The following MGAT5B variants were observed in gnomAD, a reference collection of about 807,000 sequenced individuals.
MGAT5B encodes alpha-1,6-mannosylglycoprotein 6-beta-N-acetylglucosaminyltransferase B, also known as N-acetylglucosaminyl-transferase Vb.
MGAT5B carries 54 observed loss-of-function variants against 95.1 expected under a neutral mutation model. The observed-to-expected ratio is 0.57, with a 90% CI of 0.46 to 0.71. The LOEUF is 0.71. Ranked by LOEUF, MGAT5B falls within the 30% of genes least tolerant of loss-of-function variation. The probability of loss-of-function intolerance (pLI) is 0.00; values close to 1 mark genes in which losing one functional copy is unlikely to be tolerated. For missense variants in MGAT5B, 935 were observed against 1,088.6 expected (o/e 0.86, Z 1.99); for synonymous variants, 464 against 451.0 (o/e 1.03, Z -0.36).
chr17:76,903,509 C>G (rs1968398830), intron 5 of MGAT5B, 133 bp downstream of exon 5: 1 of 552,864 alleles, frequency 1.8e-6, no homozygotes, highest in Non-Finnish European at 3.1e-6. Flanking sequence ...GCATCCACCC[C>G]ACCCATCAAT....
intron 10 of MGAT5B, among the ~76,000 whole-genome samples, chr17:76,929,670 G>A (rs1216002916): frequency 6.6e-6 from 1 of 152,144 alleles, no homozygotes; most frequent in Non-Finnish European, 1.5e-5. Context: ...GAAGAGGGAG[G>A]CTGGCCAGTT....
chr17:76,879,772 A>G (rs2145128778), intron 2 of MGAT5B, among the ~76,000 whole-genome samples: 1 of 152,312 alleles, frequency 6.6e-6, no homozygotes, highest in South Asian at 2.1e-4. Context: ...CTCTGAAACG[A>G]GAGTGATCTG....
At chr17:76,926,084 A>C (rs1192248991) in intron 9 of MGAT5B, among the ~76,000 whole-genome samples, 1 of 152,136 alleles carries the variant, frequency 6.6e-6, no homozygotes, top group Non-Finnish European at 1.5e-5. Flanking sequence ...CTTGCAGAGG[A>C]GGCTCAGAAG....
chr17:76,921,588 C>T (rs1598967271), intron 8 of MGAT5B, among the ~76,000 whole-genome samples: 1 of 152,104 alleles, frequency 6.6e-6, no homozygotes, highest in Non-Finnish European at 1.5e-5. Flanking sequence ...TTCCCTGCTC[C>T]CTCCATGCAC....
At chr17:76,920,897 C>T (rs79090049) in intron 8 of MGAT5B, among the ~76,000 whole-genome samples, 10,290 of 152,262 alleles carry the variant, frequency 0.068, 469 homozygotes, top group East Asian at 0.21. Context: ...TTCTCATCTA[C>T]CACTTTGTGT....
intron 2 of MGAT5B, among the ~76,000 whole-genome samples, chr17:76,878,117 G>A (rs533761961): frequency 9.9e-5 from 15 of 152,268 alleles, no homozygotes; most frequent in African/African-American, 3.4e-4. Context: ...TGACAGTCCC[G>A]GGGCCAGTGG....
chr17:76,913,761 A>C, intron 8 of MGAT5B: 1 of 485,152 alleles, frequency 2.1e-6, no homozygotes, highest in Non-Finnish European at 4.1e-6. Context: ...GTGGCCAGCA[A>C]CACATTGCTC....
At chr17:76,888,852 T>G (rs1967762266) in intron 3 of MGAT5B, among the ~76,000 whole-genome samples, 1 of 152,070 alleles carries the variant, frequency 6.6e-6, no homozygotes, top group Admixed American at 6.5e-5. Flanking sequence ...CTTCCAGAGT[T>G]CCCCGCTGGC....
intron 8 of MGAT5B, among the ~76,000 whole-genome samples, chr17:76,919,707 A>G (rs573551229): frequency 1.6e-4 from 25 of 152,344 alleles, no homozygotes; most frequent in African/African-American, 6.0e-4. Context: ...CTGGGATTAT[A>G]GGCGTGAGCC....
intron 16 of MGAT5B, 36 bp downstream of exon 16, chr17:76,946,486 T>G: frequency 6.5e-7 from 1 of 1,536,902 alleles, no homozygotes; most frequent in African/African-American, 1.4e-5. Context: ...CCAGATCCTG[T>G]CAGACCAGAG....
At chr17:76,904,834 G>A (rs1968461556) in intron 6 of MGAT5B, among the ~76,000 whole-genome samples, 1 of 152,242 alleles carries the variant, frequency 6.6e-6, no homozygotes, top group Non-Finnish European at 1.5e-5. Context: ...CATAGTTGCT[G>A]TGGTGGCCAC....
chr17:76,878,338 G>A (rs1296709115), intron 2 of MGAT5B, among the ~76,000 whole-genome samples: 2 of 152,166 alleles, frequency 1.3e-5, no homozygotes, highest in African/African-American at 4.8e-5. Flanking sequence ...AGCAGCTCCT[G>A]AGCCCCTGGC....
rs1283875293 is a variant in MGAT5B at position 76,916,119 on chromosome 17, G to A, written c.1026-8847G>A. ...GGCCCCTGCCCTTCATCCTTCCTCG[G>A]GATCCAGGAGAGACCCTTCCTTGCA... On this transcript the variant is annotated intron_variant, in intron 8 of 17. Coordinates refer to ENST00000569840, the MANE Select transcript of MGAT5B (RefSeq NM_001199172.2). This position sits in a 1 kb window ranked among gnomAD's most constrained non-coding sequence, Gnocchi z 5.3. 2.0e-5 allele frequency among the ~76,000 whole-genome samples: 3 copies of A among 150,486 alleles called. No homozygotes were observed. Among genetic ancestry groups the A allele is most frequent in the African/African-American group, 7.5e-5 (3 of 39,992 alleles).
chr17:76,926,096 G>A (rs1284077034), intron 9 of MGAT5B, among the ~76,000 whole-genome samples: 3 of 152,150 alleles, frequency 2.0e-5, no homozygotes, highest in South Asian at 2.1e-4. Context: ...GCTCAGAAGC[G>A]CTGCCCTCCC....
intron 5 of MGAT5B, among the ~76,000 whole-genome samples, chr17:76,903,840 G>T (rs1233534372): frequency 2.6e-5 from 4 of 152,214 alleles, no homozygotes; most frequent in Non-Finnish European, 4.4e-5. Flanking sequence ...GACCATCTGG[G>T]ATCACTGCAG....
At position 76,868,406 on chromosome 17, in the gene MGAT5B, T is replaced by C. The variant is rs1209018558; in HGVS notation, c.-624T>C. 1 of 151,352 alleles carries C rather than the reference T, an allele frequency of 6.6e-6. No individual in the cohort carries two copies. The highest frequency in any genetic ancestry group is 1.5e-5 in the Non-Finnish European group (1 of 67,788). 9.4% of individuals were successfully genotyped at this position (151,352 alleles called of 1,614,324 possible). On this transcript the variant is annotated 5_prime_UTR_variant, in exon 1 of 18. Coordinates refer to ENST00000569840, the MANE Select transcript of MGAT5B (RefSeq NM_001199172.2). This position sits in a 1 kb window ranked among gnomAD's most constrained non-coding sequence, Gnocchi z 6.3. ...AGCTCCCGGGCCGCCCCAGCGCCGC[T>C]CGGCCGCCTCCTCCGAGGAACAATG...
chr17:76,894,823 A>C (rs191762019), intron 3 of MGAT5B, among the ~76,000 whole-genome samples: 241 of 151,690 alleles, frequency 1.6e-3, no homozygotes, highest in African/African-American at 5.5e-3. Flanking sequence ...AGTGCACTCC[A>C]GCCTGGGTGA....
Position 76,868,836 on chromosome 17 carries a change from C to A in MGAT5B, c.-194C>A. On this transcript the variant is annotated 5_prime_UTR_variant, in exon 1 of 18. Coordinates refer to ENST00000569840, the MANE Select transcript of MGAT5B (RefSeq NM_001199172.2). This position sits in a 1 kb window ranked among gnomAD's most constrained non-coding sequence, Gnocchi z 6.3. Reference sequence around the variant, plus strand: ...CGGCCCGGCCGGGCGCCCTCGCCGCCCTCCGGCAGCCGCGCCGCTCCCTCC... The same window carrying A: ...CGGCCCGGCCGGGCGCCCTCGCCGCACTCCGGCAGCCGCGCCGCTCCCTCC... 2.9e-6 allele frequency: 1 copy of A among 339,540 alleles called. No homozygotes were observed. Among genetic ancestry groups the A allele is most frequent in the East Asian group, 4.7e-5 (1 of 21,436 alleles). 21.0% of individuals were successfully genotyped at this position (339,540 alleles called of 1,614,324 possible). A position where few individuals can be genotyped will look rare whatever the true frequency, so the allele number is the denominator to read the frequency against.
Position 76,905,030 on chromosome 17 carries a change from T to G in MGAT5B, c.691-139T>G. ...AGGGCTCCCTGGTTTTGGGGGCTAA[T>G]GAGCCCCTTAGAAAGTGCAGGAGAA... On this transcript the variant is annotated intron_variant, in intron 6 of 17. Coordinates refer to ENST00000569840, the MANE Select transcript of MGAT5B (RefSeq NM_001199172.2). This position sits in a 1 kb window ranked among gnomAD's most constrained non-coding sequence, Gnocchi z 4.2. The G allele has an allele frequency of 1.9e-5, 17 of 900,818 alleles. No homozygotes were observed. The highest frequency in any genetic ancestry group is 2.8e-5 in the East Asian group (1 of 35,320). 55.8% of individuals were successfully genotyped at this position (900,818 alleles called of 1,614,324 possible). A position where few individuals can be genotyped will look rare whatever the true frequency, so the allele number is the denominator to read the frequency against.
Sources: gnomAD v4.1 joint callset for allele counts (sites outside exome capture counted in the v4.1 genomes callset) on GRCh38, gnomAD v4.1.1 for gene constraint, Gnocchi (gnomAD v3.1) non-coding constraint, MANE v1.5 for transcripts, NCBI Gene and HGNC (gene_info 2026-07-23, HGNC 2026-07-21) for gene names.